DSCAML1: variants seen among roughly 807,000 people sequenced by gnomAD.
DSCAML1 encodes cell adhesion molecule DSCAML1.
In DSCAML1, 38 loss-of-function variants were observed where a neutral mutation model predicts 200.5. The ratio of observed to expected loss-of-function variants is 0.19; its 90% CI spans 0.15 to 0.25. DSCAML1 has a LOEUF of 0.25. DSCAML1 is among the 10% of genes least tolerant of loss of function. DSCAML1 has a pLI of 1.00. For missense variants in DSCAML1, 2,223 were observed against 2,858.8 expected (o/e 0.78, Z 5.07); for synonymous variants, 1,215 against 1,165.0 (o/e 1.04, Z -0.87).
intron 11 of DSCAML1, among the ~76,000 whole-genome samples, chr11:117,495,574 G>A (rs977755895): frequency 2.6e-5 from 4 of 152,144 alleles, no homozygotes; most frequent in Admixed American, 2.6e-4. Context: ...CGGGGGGCAG[G>A]GGGTGGGAGC....
At position 117,435,627 on chromosome 11, in the gene DSCAML1, A is replaced by T; in HGVS notation, c.4876+17T>A. ...GCCAACACCCCCTCCTGGAAGGCCCATAGGAAGCTCCCCCACCTCGGAGTC... is the reference window on the plus strand; with the variant it reads ...GCCAACACCCCCTCCTGGAAGGCCCTTAGGAAGCTCCCCCACCTCGGAGTC... On this transcript the variant is annotated intron_variant, in intron 27 of 32. Coordinates refer to ENST00000651296, the MANE Select transcript of DSCAML1 (RefSeq NM_020693.4). The T allele has an allele frequency of 2.5e-6, 4 of 1,588,762 alleles. No homozygotes were observed. Among genetic ancestry groups the T allele is most frequent in the Non-Finnish European group, 3.4e-6 (4 of 1,160,400 alleles).
chr11:117,727,972 T>A (rs2054160836), intron 3 of DSCAML1, among the ~76,000 whole-genome samples: 1 of 152,138 alleles, frequency 6.6e-6, no homozygotes, highest in Admixed American at 6.6e-5. Flanking sequence ...TTATAGAATG[T>A]TTTAGGAGGA....
chr11:117,585,659 C>A (rs1023975547), intron 3 of DSCAML1, among the ~76,000 whole-genome samples: 2 of 152,038 alleles, frequency 1.3e-5, no homozygotes, highest in South Asian at 4.2e-4. Flanking sequence ...GGGGTGTGAC[C>A]CAATTGCTTG....
intron 11 of DSCAML1, among the ~76,000 whole-genome samples, chr11:117,485,843 G>C (rs1191120272): frequency 2.6e-5 from 4 of 152,234 alleles, no homozygotes; most frequent in African/African-American, 7.2e-5. Flanking sequence ...AGGCAAAAGA[G>C]GACCTGGCCA....
intron 3 of DSCAML1, among the ~76,000 whole-genome samples, chr11:117,716,730 A>G (rs1345811724): frequency 6.6e-6 from 1 of 152,194 alleles, no homozygotes; most frequent in African/African-American, 2.4e-5. Context: ...AGAAAACACC[A>G]AAAGGAGATT....
intron 3 of DSCAML1, among the ~76,000 whole-genome samples, chr11:117,727,138 G>T (rs1336921058): frequency 6.6e-6 from 1 of 152,168 alleles, no homozygotes; most frequent in Non-Finnish European, 1.5e-5. Flanking sequence ...AAGGATGGAG[G>T]TAGGGAGAGG....
chr11:117,488,876 T>C (rs145365285), intron 11 of DSCAML1, among the ~76,000 whole-genome samples: 184 of 152,372 alleles, frequency 1.2e-3, no homozygotes, highest in South Asian at 1.9e-3. Context: ...GGCACTGTTA[T>C]TATGCCCCGG....
chr11:117,644,331 G>T (rs1221702972), intron 3 of DSCAML1, among the ~76,000 whole-genome samples: 1 of 152,384 alleles, frequency 6.6e-6, no homozygotes, highest in East Asian at 1.9e-4. Flanking sequence ...GTGCAAAGGG[G>T]ATTTCTGCGC....
In DSCAML1 at chr11:117,769,489, TTTA is replaced by T. The variant is rs2054991656; in HGVS notation, c.511+7299_511+7301del. ...TATATTTTATATATATAATATATAT[TTTA>T]TATATATAATATATATTTTATATAT... On this transcript the variant is annotated intron_variant, in intron 3 of 32. Transcript: ENST00000651296. 2.2e-5 allele frequency among the ~76,000 whole-genome samples: 2 copies of T among 91,266 alleles called. 1 individual carries two copies. The highest frequency in any genetic ancestry group is 4.7e-4 in the East Asian group (2 of 4,236). 59.9% of individuals were successfully genotyped at this position (91,266 alleles called of 152,430 possible).
At position 117,780,632 on chromosome 11, in the gene DSCAML1, G is replaced by A. The variant is rs1032315528; in HGVS notation, c.225C>T (p.His75=). 6 of 1,588,690 alleles carry A rather than the reference G, an allele frequency of 3.8e-6. No individual in the cohort carries two copies. The highest frequency in any genetic ancestry group is 1.4e-5 in the African/African-American group (1 of 73,990). ...DDIYDVPHIR[H]VHANGTLQLY... is the part of the protein sequence containing the mutation. ...GCTGCAGCGTCCCGTTGGCGTGGAC[G>A]TGCCGGATGTGCGGCACGTCGTAGA... Residue 75 remains histidine, a synonymous_variant, in exon 2 of 33, where the codon CAC becomes CAT. Transcript: ENST00000651296. This position sits in a 1 kb window ranked among gnomAD's most constrained non-coding sequence, Gnocchi z 4.8.
At chr11:117,811,776 G>A (rs971051262) in intron 1 of DSCAML1, among the ~76,000 whole-genome samples, 14 of 152,184 alleles carry the variant, frequency 9.2e-5, no homozygotes, top group Admixed American at 2.6e-4. Flanking sequence ...TGGAAGCCCC[G>A]TAGACCATCG....
intron 3 of DSCAML1, among the ~76,000 whole-genome samples, chr11:117,546,094 C>G (rs1216976698): frequency 6.6e-6 from 1 of 152,210 alleles, no homozygotes; most frequent in Non-Finnish European, 1.5e-5. Flanking sequence ...ACCCCCAAGT[C>G]CCCCTTTCTG....
intron 21 of DSCAML1, among the ~76,000 whole-genome samples, chr11:117,442,037 TGTGTGTGTGTTA>T (rs558963653): frequency 0.013 from 755 of 57,606 alleles, 3 homozygotes; most frequent in Admixed American, 0.021. Context: ...TGTGTATGTG[TGTGTGTGTGTTA>T]GTGTATGTGT....
At chr11:117,684,847 G>A (rs2053378498) in intron 3 of DSCAML1, among the ~76,000 whole-genome samples, 1 of 152,264 alleles carries the variant, frequency 6.6e-6, no homozygotes, top group Admixed American at 6.5e-5. Context: ...CAAAGGGAGA[G>A]ACTGGAGTTT....
At chr11:117,701,230 C>T (rs943794282) in intron 3 of DSCAML1, among the ~76,000 whole-genome samples, 2 of 152,084 alleles carry the variant, frequency 1.3e-5, no homozygotes, top group Admixed American at 6.5e-5. Flanking sequence ...TGTGCCACTG[C>T]ACTCCAGCCT....
At chr11:117,511,868 T>C (rs1012840243) in intron 8 of DSCAML1, among the ~76,000 whole-genome samples, 4 of 152,386 alleles carry the variant, frequency 2.6e-5, no homozygotes, top group South Asian at 2.1e-4. Flanking sequence ...AATGTGTTAA[T>C]TGGCTGCACG....
At chr11:117,644,201 A>G (rs2052473538) in intron 3 of DSCAML1, among the ~76,000 whole-genome samples, 1 of 152,166 alleles carries the variant, frequency 6.6e-6, no homozygotes, top group East Asian at 1.9e-4. Context: ...AGCCACCCCC[A>G]CCAAGTCTCG....
At chr11:117,703,716 G>T (rs2053706569) in intron 3 of DSCAML1, among the ~76,000 whole-genome samples, 1 of 152,226 alleles carries the variant, frequency 6.6e-6, no homozygotes, top group Non-Finnish European at 1.5e-5. Context: ...AAGCAAGACG[G>T]TTACCCCACA....
intron 3 of DSCAML1, among the ~76,000 whole-genome samples, chr11:117,743,837 C>T (rs2054467354): frequency 1.3e-5 from 2 of 152,238 alleles, no homozygotes; most frequent in South Asian, 4.1e-4. Context: ...GCAGGCATCA[C>T]ATTCCCGCCG....
Sources: gnomAD v4.1 joint callset for allele counts (sites outside exome capture counted in the v4.1 genomes callset) on GRCh38, gnomAD v4.1.1 for gene constraint, Gnocchi (gnomAD v3.1) non-coding constraint, MANE v1.5 for transcripts, NCBI Gene and HGNC (gene_info 2026-07-23, HGNC 2026-07-21) for gene names.